Variants in CAMSAP2 observed in about 807,000 individuals in gnomAD.
CAMSAP2 encodes the protein calmodulin-regulated spectrin-associated protein 2.
In CAMSAP2, 26 loss-of-function variants were observed where a neutral mutation model predicts 146.1. The ratio of observed to expected loss-of-function variants is 0.18; its 90% CI spans 0.13 to 0.25. CAMSAP2 has a LOEUF of 0.25. Ranked by LOEUF, CAMSAP2 falls within the 10% of genes least tolerant of loss-of-function variation. CAMSAP2 has a pLI of 1.00. For synonymous variants in CAMSAP2, 499 were observed against 596.6 expected (o/e 0.84, Z 2.38); for missense variants, 1,381 against 1,759.3 (o/e 0.78, Z 3.85).
chr1:200,816,852 A>G lies in CAMSAP2; in HGVS notation c.645+1208A>G, dbSNP rs111214334. The stretch of plus-strand genomic sequence containing the variant: ...CACGCGTGTGTATGTGTGTACACAC[A>G]CACGCGTGTGTATGTGTGTACACAC... On this transcript the variant is annotated intron_variant, in intron 4 of 16. Transcript: ENST00000358823. Among the ~76,000 whole-genome samples the G allele has an allele frequency of 4.7e-5, 4 of 85,850 alleles. 2 individuals are homozygous for G. Among genetic ancestry groups the G allele is most frequent in the South Asian group, 8.6e-4 (2 of 2,332 alleles). 56.3% of individuals were successfully genotyped at this position (85,850 alleles called of 152,430 possible). A position where few individuals can be genotyped will look rare whatever the true frequency, so the allele number is the denominator to read the frequency against.
chr1:200,755,962 G>T (rs1270485763), intron 1 of CAMSAP2, among the ~76,000 whole-genome samples: 2 of 152,146 alleles, frequency 1.3e-5, no homozygotes, highest in African/African-American at 2.4e-5. Flanking sequence ...AACATTAGAG[G>T]CAGAAGGCCT....
At chr1:200,789,726 T>G (rs1160514956) in intron 2 of CAMSAP2, among the ~76,000 whole-genome samples, 3 of 152,340 alleles carry the variant, frequency 2.0e-5, no homozygotes, top group Admixed American at 2.0e-4. Flanking sequence ...GGGATTGCAT[T>G]GAATCTGTAG....
At chr1:200,774,390 G>C (rs1220315922) in intron 2 of CAMSAP2, among the ~76,000 whole-genome samples, 1 of 152,100 alleles carries the variant, frequency 6.6e-6, no homozygotes, top group Non-Finnish European at 1.5e-5. Context: ...AATGAGCTGT[G>C]TTACAAAGTG....
chr1:200,752,974 G>C (rs1198396875), intron 1 of CAMSAP2, among the ~76,000 whole-genome samples: 1 of 151,780 alleles, frequency 6.6e-6, no homozygotes, highest in East Asian at 1.9e-4. Flanking sequence ...GTCTGCCTTT[G>C]TCTTTAATGA....
At chr1:200,838,627 T>C (rs1667243046) in intron 6 of CAMSAP2, among the ~76,000 whole-genome samples, 1 of 152,146 alleles carries the variant, frequency 6.6e-6, no homozygotes, top group Admixed American at 6.5e-5. Context: ...ATGAGGAAAC[T>C]TGGAGAATGT....
rs1207494687 is a variant in CAMSAP2, at chr1:200,739,175, C to T, written c.-653C>T. Among the ~76,000 whole-genome samples the T allele has an allele frequency of 6.6e-6, 1 of 151,438 alleles. No homozygotes were observed. The highest frequency in any genetic ancestry group is 1.5e-5 in the Non-Finnish European group (1 of 67,782). ...GAGGGAGCACAGAGGAGGGGACGGG[C>T]CGGCGGCGGCCTGTGAGCCGCAGTG... On this transcript the variant is annotated 5_prime_UTR_variant, in exon 1 of 17. Coordinates refer to ENST00000358823, the MANE Select transcript of CAMSAP2 (RefSeq NM_203459.4). The surrounding 1 kb of genome is among the most constrained non-coding windows in gnomAD (Gnocchi z 4.8).
Position 200,757,817 on chromosome 1 carries a change from C to T in CAMSAP2, c.140-3022C>T, listed in dbSNP as rs77929589. ...TATTCTTGAAACAGTCTTTGATTAG[C>T]TGTGGATCCTTTCCCTTTTCCTTGC... On this transcript the variant is annotated intron_variant, in intron 1 of 16. Transcript: ENST00000358823. 3.3e-4 allele frequency among the ~76,000 whole-genome samples: 51 copies of T among 152,278 alleles called. No homozygotes were observed. The East Asian group carries it at 9.6e-3, about 29-fold the overall frequency.
intron 2 of CAMSAP2, among the ~76,000 whole-genome samples, chr1:200,806,222 T>C (rs1239206448): frequency 2.0e-5 from 3 of 152,176 alleles, no homozygotes; most frequent in African/African-American, 7.2e-5. Context: ...GTACTTAATA[T>C]ATAATGAGCT....
intron 1 of CAMSAP2, among the ~76,000 whole-genome samples, chr1:200,745,878 A>G (rs1047927777): frequency 2.6e-5 from 4 of 152,220 alleles, no homozygotes; most frequent in South Asian, 2.1e-4. Flanking sequence ...AATATTTTCT[A>G]TTATCTACCC....
At chr1:200,852,789 C>A in intron 12 of CAMSAP2, 112 bp downstream of exon 12, 1 of 1,165,418 alleles carries the variant, frequency 8.6e-7, no homozygotes, top group Non-Finnish European at 1.2e-6. Flanking sequence ...TTTTTATTAA[C>A]AGATTTCTTT....
intron 2 of CAMSAP2, among the ~76,000 whole-genome samples, chr1:200,785,670 G>A (rs1017127710): frequency 5.3e-5 from 8 of 151,646 alleles, no homozygotes; most frequent in South Asian, 2.1e-4. Context: ...GATTATAGGC[G>A]TGAGCCATGT....
Position 200,845,570 on chromosome 1 carries a change from C to A in CAMSAP2, c.1109+701C>A, listed in dbSNP as rs74837715. ...TGCATACTGGCATGTATAGAAAATG[C>A]GGAATAAGCTCCTCCTTGGATGGGA... is the stretch of plus-strand genomic sequence containing the variant. On this transcript the variant is annotated intron_variant, in intron 8 of 16. Coordinates refer to ENST00000358823, the MANE Select transcript of CAMSAP2 (RefSeq NM_203459.4). 3.3e-5 allele frequency among the ~76,000 whole-genome samples: 5 copies of A among 152,214 alleles called. No homozygotes were observed. The East Asian group carries it at 9.6e-4, about 29-fold the overall frequency.
At chr1:200,765,118 A>G (rs973601821) in intron 2 of CAMSAP2, among the ~76,000 whole-genome samples, 2 of 152,110 alleles carry the variant, frequency 1.3e-5, no homozygotes, top group African/African-American at 4.8e-5. Flanking sequence ...AAAACAAAAA[A>G]ACAAAAAAAC....
intron 2 of CAMSAP2, among the ~76,000 whole-genome samples, chr1:200,762,152 A>C (rs1664819285): frequency 1.3e-5 from 2 of 152,232 alleles, no homozygotes; most frequent in Non-Finnish European, 2.9e-5. Context: ...TGAACAAAAA[A>C]ATTAGTTTAT....
Position 200,739,705 on chromosome 1 carries a change from G to A in CAMSAP2, c.-123G>A. On this transcript the variant is annotated 5_prime_UTR_variant, in exon 1 of 17. Coordinates refer to ENST00000358823, the MANE Select transcript of CAMSAP2 (RefSeq NM_203459.4). This position sits in a 1 kb window ranked among gnomAD's most constrained non-coding sequence, Gnocchi z 4.8. ...TGAGCTTCTCCTCCGTCGGCGCCCGGGCGGACATCGCCCGGGCCCCGATGG... is the reference window on the plus strand; with the variant it reads ...TGAGCTTCTCCTCCGTCGGCGCCCGAGCGGACATCGCCCGGGCCCCGATGG... The A allele has an allele frequency of 2.1e-6, 2 of 945,048 alleles. No homozygotes were observed. The highest frequency in any genetic ancestry group is 3.2e-5 in the South Asian group (1 of 31,180). The allele number at this position is 945,048 out of a possible 1,614,324, so 58.5% of individuals were successfully genotyped here.
At chr1:200,828,787 A>G in intron 4 of CAMSAP2, among the ~76,000 whole-genome samples, 1 of 152,200 alleles carries the variant, frequency 6.6e-6, no homozygotes, top group African/African-American at 2.4e-5. Flanking sequence ...CAGAAGTTCT[A>G]AAAATAATTT....
intron 6 of CAMSAP2, among the ~76,000 whole-genome samples, chr1:200,838,315 A>T (rs998826214): frequency 1.3e-5 from 2 of 152,204 alleles, no homozygotes; most frequent in African/African-American, 2.4e-5. Flanking sequence ...CTAGGCTAGT[A>T]AAATGGAACC....
At chr1:200,783,195 C>G (rs1211009207) in intron 2 of CAMSAP2, among the ~76,000 whole-genome samples, 1 of 152,148 alleles carries the variant, frequency 6.6e-6, no homozygotes, top group African/African-American at 2.4e-5. Flanking sequence ...CACTTCTTTG[C>G]CAATACTTTT....
chr1:200,831,222 C>T (rs954053139), intron 4 of CAMSAP2, among the ~76,000 whole-genome samples: 2 of 152,094 alleles, frequency 1.3e-5, no homozygotes, highest in African/African-American at 4.8e-5. Context: ...TTTTACTTGG[C>T]TTTAGAAGAG....
Sources: gnomAD v4.1 joint callset for allele counts (sites outside exome capture counted in the v4.1 genomes callset) on GRCh38, gnomAD v4.1.1 for gene constraint, Gnocchi (gnomAD v3.1) non-coding constraint, MANE v1.5 for transcripts, NCBI Gene and HGNC (gene_info 2026-07-23, HGNC 2026-07-21) for gene names.